RNF150: variants seen among roughly 807,000 people sequenced by gnomAD.
The protein encoded by RNF150 is ring finger protein 150.
RNF150 carries 24 observed loss-of-function variants against 39.3 expected under a neutral mutation model. The observed-to-expected ratio is 0.61, with a 90% CI of 0.44 to 0.86. The LOEUF (loss-of-function observed/expected upper bound fraction) is 0.86, where lower values mean the gene tolerates loss of function less well. Among genes scored for constraint, RNF150 ranks in the 40% least tolerant of loss-of-function variants. The pLI is 0.00. For synonymous variants in RNF150, 255 were observed against 227.3 expected, an observed-to-expected ratio of 1.12 and a Z score of -1.10; for missense variants, 502 against 587.8, an observed-to-expected ratio of 0.85 and a Z score of 1.51.
chr4:141,162,366 T>A (rs553835876), intron 1 of RNF150, among the ~76,000 whole-genome samples: 1 of 152,334 alleles, frequency 6.6e-6, no homozygotes, highest in East Asian at 1.9e-4. Context: ...ATTTACCCAA[T>A]GCCTACGCCT....
intron 1 of RNF150, among the ~76,000 whole-genome samples, chr4:140,983,701 T>C (rs1733931885): frequency 6.6e-6 from 1 of 151,730 alleles, no homozygotes; most frequent in Non-Finnish European, 1.5e-5. Flanking sequence ...CTTTTTTCCT[T>C]TGGAGATGGT....
chr4:141,022,227 T>A, intron 1 of RNF150, among the ~76,000 whole-genome samples: 1 of 152,038 alleles, frequency 6.6e-6, no homozygotes, highest in African/African-American at 2.4e-5. Flanking sequence ...TATTTTTTAT[T>A]CTTTTTTCCT....
chr4:141,053,960 C>T (rs72949009), intron 1 of RNF150, among the ~76,000 whole-genome samples: 4,566 of 152,054 alleles, frequency 0.03, 244 homozygotes, highest in African/African-American at 0.1. Context: ...TACTTTTTTT[C>T]TTCACTCCTT....
chr4:140,934,213 T>C (rs1409985330), intron 4 of RNF150, among the ~76,000 whole-genome samples: 1 of 152,192 alleles, frequency 6.6e-6, no homozygotes, highest in African/African-American at 2.4e-5. Context: ...TTTTGCCATG[T>C]TGGCCAGGCT....
chr4:140,990,878 AT>A (rs1208754824), intron 1 of RNF150, among the ~76,000 whole-genome samples: 3 of 152,144 alleles, frequency 2.0e-5, no homozygotes, highest in Non-Finnish European at 4.4e-5. Flanking sequence ...ATCAAAGGGT[AT>A]TTCTGGTTCT....
chr4:140,923,151 A>G (rs1422764767), intron 5 of RNF150, among the ~76,000 whole-genome samples: 1 of 152,104 alleles, frequency 6.6e-6, no homozygotes, highest in Non-Finnish European at 1.5e-5. Context: ...CCTTCTGCAC[A>G]GCAAAACAAA....
At chr4:141,162,743 A>T (rs1461343705) in intron 1 of RNF150, among the ~76,000 whole-genome samples, 1 of 152,084 alleles carries the variant, frequency 6.6e-6, no homozygotes, top group Admixed American at 6.5e-5. Flanking sequence ...AGCATGAGGG[A>T]CTGTGCCATG....
At chr4:141,118,022 T>G (rs1290921739) in intron 1 of RNF150, among the ~76,000 whole-genome samples, 1 of 152,172 alleles carries the variant, frequency 6.6e-6, no homozygotes, top group African/African-American at 2.4e-5. Flanking sequence ...CAATGGCTAT[T>G]TAGAATTGCC....
At chr4:140,962,402 A>G (rs931973758) in intron 2 of RNF150, among the ~76,000 whole-genome samples, 2 of 151,914 alleles carry the variant, frequency 1.3e-5, no homozygotes, top group Middle Eastern at 3.4e-3. Flanking sequence ...ACACACATAT[A>G]TAATGAAGAT....
At chr4:141,070,064 T>C (rs1401247130) in intron 1 of RNF150, among the ~76,000 whole-genome samples, 3 of 152,176 alleles carry the variant, frequency 2.0e-5, no homozygotes, top group Admixed American at 6.5e-5. Flanking sequence ...TTTCCTTCAG[T>C]TCTGCTCTGC....
intron 4 of RNF150, among the ~76,000 whole-genome samples, chr4:140,946,604 ATCC>A (rs1732322157): frequency 6.6e-6 from 1 of 152,156 alleles, no homozygotes; most frequent in Non-Finnish European, 1.5e-5. Flanking sequence ...CTCCCAGCTC[ATCC>A]TCCTGAGTAG....
At chr4:140,887,619 C>T (rs1729626870) in intron 6 of RNF150, among the ~76,000 whole-genome samples, 1 of 152,156 alleles carries the variant, frequency 6.6e-6, no homozygotes, top group Non-Finnish European at 1.5e-5. Context: ...AGCCTTATCC[C>T]TACTGCTTGT....
intron 1 of RNF150, among the ~76,000 whole-genome samples, chr4:141,140,382 C>G (rs911426133): frequency 6.6e-6 from 1 of 152,116 alleles, no homozygotes; most frequent in Non-Finnish European, 1.5e-5. Flanking sequence ...CTCTTCCAAA[C>G]AACTTTATGT....
intron 1 of RNF150, among the ~76,000 whole-genome samples, chr4:141,156,734 T>TAAAAA (rs3081645): frequency 1.7e-4 from 16 of 96,586 alleles, no homozygotes; most frequent in East Asian, 3.1e-4. Flanking sequence ...TCTCTACTAC[T>TAAAAA]AAAAAAAAAA....
intron 1 of RNF150, among the ~76,000 whole-genome samples, chr4:141,080,056 A>G (rs202030433): frequency 4.0e-4 from 5 of 12,422 alleles, no homozygotes; most frequent in South Asian, 0.014. Flanking sequence ...TGAAAAGTGG[A>G]AAAAAAAAAT....
chr4:141,071,959 A>C (rs1737723776), intron 1 of RNF150, among the ~76,000 whole-genome samples: 1 of 152,150 alleles, frequency 6.6e-6, no homozygotes, highest in Admixed American at 6.5e-5. Flanking sequence ...TTTTCAAGCA[A>C]TTTCTAGGGC....
intron 1 of RNF150, among the ~76,000 whole-genome samples, chr4:141,098,068 A>G (rs1193892576): frequency 1.3e-5 from 2 of 152,192 alleles, no homozygotes; most frequent in Admixed American, 6.5e-5. Flanking sequence ...AATAACTCCA[A>G]TTAGCATCAG....
intron 1 of RNF150, among the ~76,000 whole-genome samples, chr4:141,117,557 A>G (rs1196475714): frequency 2.0e-5 from 3 of 152,228 alleles, no homozygotes; most frequent in African/African-American, 7.2e-5. Context: ...GGTCTGTTGT[A>G]CATCATTTAT....
chr4:141,174,218 A>T (rs1423244332), intron 1 of RNF150, among the ~76,000 whole-genome samples: 2 of 152,202 alleles, frequency 1.3e-5, no homozygotes, highest in African/African-American at 2.4e-5. Flanking sequence ...TGTCTGAGAC[A>T]TCTCCCAGTT....
Sources: gnomAD v4.1 joint callset for allele counts (sites outside exome capture counted in the v4.1 genomes callset) on GRCh38, gnomAD v4.1.1 for gene constraint, MANE v1.5 for transcripts, NCBI Gene and HGNC (gene_info 2026-07-23, HGNC 2026-07-21) for gene names.